MAGI1: variants seen among roughly 807,000 people sequenced by gnomAD.
MAGI1 encodes membrane associated guanylate kinase, WW and PDZ domain containing 1, also known as membrane-associated guanylate kinase, WW and PDZ domain-containing protein 1.
A neutral mutation model predicts 139.9 loss-of-function variants in MAGI1; 58 were observed. The observed-to-expected ratio is 0.41, with a 90% CI of 0.34 to 0.52. The LOEUF is 0.52. MAGI1 is among the 20% of genes least tolerant of loss of function. MAGI1 has a pLI of 0.12. For missense variants in MAGI1, 1,874 were observed against 1,901.6 expected (o/e 0.99, Z 0.27); for synonymous variants, 812 against 737.9 (o/e 1.10, Z -1.63).
At chr3:65,921,937 C>T (rs901976936) in intron 1 of MAGI1, among the ~76,000 whole-genome samples, 3 of 151,556 alleles carry the variant, frequency 2.0e-5, no homozygotes, top group Admixed American at 1.3e-4. Context: ...CACACACACA[C>T]ACACACACAC....
At chr3:65,724,470 C>T (rs1369319633) in intron 1 of MAGI1, among the ~76,000 whole-genome samples, 1 of 152,164 alleles carries the variant, frequency 6.6e-6, no homozygotes, top group Non-Finnish European at 1.5e-5. Flanking sequence ...ATACCTGGAT[C>T]AGATAAATCT....
intron 1 of MAGI1, among the ~76,000 whole-genome samples, chr3:66,027,265 CAAATAAATAAATAAAT>C (rs201338759): frequency 4.2e-4 from 29 of 69,830 alleles, no homozygotes; most frequent in South Asian, 2.5e-3. Flanking sequence ...GACTCCGTCT[CAAATAAATAAATAAAT>C]AAATAAATAA....
At chr3:65,947,414 AAAG>A (rs780233903) in intron 1 of MAGI1, among the ~76,000 whole-genome samples, 36 of 152,240 alleles carry the variant, frequency 2.4e-4, no homozygotes, top group Admixed American at 3.3e-4. Context: ...GGAGGAACAC[AAAG>A]AATAATACAA....
At chr3:65,634,976 T>C (rs2084525284) in intron 1 of MAGI1, among the ~76,000 whole-genome samples, 1 of 152,174 alleles carries the variant, frequency 6.6e-6, no homozygotes, top group African/African-American at 2.4e-5. Context: ...GGCATGGGTG[T>C]AGCAAGATGT....
intron 1 of MAGI1, among the ~76,000 whole-genome samples, chr3:65,850,580 T>C (rs1292822260): frequency 6.6e-6 from 1 of 152,122 alleles, no homozygotes; most frequent in African/African-American, 2.4e-5. Context: ...CGATATAAAC[T>C]CTGGATGAAC....
intron 1 of MAGI1, among the ~76,000 whole-genome samples, chr3:65,818,587 T>G (rs752689328): frequency 2.0e-5 from 3 of 152,124 alleles, no homozygotes; most frequent in Non-Finnish European, 2.9e-5. Context: ...AAGAAATGCC[T>G]TGTACAACAG....
intron 1 of MAGI1, chr3:65,687,484 T>TCAGGAC (rs2088156548): frequency 5.2e-6 from 2 of 381,440 alleles, no homozygotes; most frequent in Non-Finnish European, 1.1e-5. Context: ...TGAAGAGCAA[T>TCAGGAC]CAGGACCCAG....
chr3:65,463,519 G>T lies in MAGI1; in HGVS notation c.959+6764C>A, dbSNP rs534255841. Among the ~76,000 whole-genome samples, 16 of 150,658 alleles carry T rather than the reference G, an allele frequency of 1.1e-4. No individual in the cohort carries two copies. In the South Asian group the frequency reaches 3.4e-3, roughly 32 times the overall value. On this transcript the variant is annotated intron_variant, in intron 5 of 22. Transcript: ENST00000402939. Reference sequence around the variant, plus strand: ...TTCGGTTTGCCAGTATTTTATTAAGGATTTTCACATCGATGTTCATCAGGG... The same window carrying T: ...TTCGGTTTGCCAGTATTTTATTAAGTATTTTCACATCGATGTTCATCAGGG...
intron 1 of MAGI1, among the ~76,000 whole-genome samples, chr3:65,995,219 A>G (rs916080428): frequency 2.6e-5 from 4 of 152,202 alleles, no homozygotes; most frequent in Admixed American, 1.3e-4. Context: ...CAAGAAACAC[A>G]TTTCCATAAA....
chr3:65,812,445 T>TTCTC (rs530333757), intron 1 of MAGI1, among the ~76,000 whole-genome samples: 38 of 130,642 alleles, frequency 2.9e-4, no homozygotes, highest in South Asian at 9.0e-4. Context: ...CTCTCTCTCT[T>TTCTC]TCTCTCTCTC....
chr3:65,698,672 T>C (rs1434768396), intron 1 of MAGI1, among the ~76,000 whole-genome samples: 2 of 151,690 alleles, frequency 1.3e-5, no homozygotes, highest in African/African-American at 4.9e-5. Flanking sequence ...TGGCTAGCCA[T>C]ATGTAGAAAG....
intron 2 of MAGI1, among the ~76,000 whole-genome samples, chr3:65,559,095 G>T (rs1014557787): frequency 3.9e-5 from 6 of 152,126 alleles, no homozygotes; most frequent in Non-Finnish European, 5.9e-5. Flanking sequence ...GAAGACAAAA[G>T]AATTCTTCTT....
At chr3:65,470,556 C>A in intron 4 of MAGI1, 72 bp from the exon 5 acceptor site, 1 of 954,438 alleles carries the variant, frequency 1.0e-6, no homozygotes, top group South Asian at 1.5e-5. Context: ...CAATCATACC[C>A]CATACCCGGG....
chr3:65,453,482 A>G (rs913319600), intron 5 of MAGI1, 142 bp from the exon 6 acceptor site: 2 of 642,860 alleles, frequency 3.1e-6, no homozygotes, highest in Admixed American at 5.6e-5. Context: ...CCAAACCAGA[A>G]GAGAGCCTGA....
rs775865692 is a variant in MAGI1, at chr3:65,363,508, C to T, written c.3452G>A (p.Arg1151His). ...CTCCGCAGGACCGTCCTCTGCTAAG[C>T]GCAGAACATAGAGGTCCATGTTATA... ...REYNMDLYVL[R>H]LAEDGPAERC... Residue 1151 changes from arginine (R) to histidine (H), a missense_variant, in exon 21 of 23, where the codon CGC (arginine) becomes CAC (histidine). Transcript: ENST00000402939. 3.1e-6 allele frequency: 5 copies of T among 1,613,948 alleles called. No homozygotes were observed. The highest frequency in any genetic ancestry group is 2.2e-5 in the South Asian group (2 of 91,072).
At position 65,401,773 on chromosome 3, in the gene MAGI1, A is replaced by G. The variant is rs1944916752; in HGVS notation, c.2168-303T>C. ...GGCCTGGGAAATTGAACACTTGGACAGAATCTCAAATGCTCTTCTGGATTA... is the reference window on the plus strand; with the variant it reads ...GGCCTGGGAAATTGAACACTTGGACGGAATCTCAAATGCTCTTCTGGATTA... On this transcript the variant is annotated intron_variant, in intron 12 of 22. Coordinates refer to ENST00000402939, the MANE Select transcript of MAGI1 (RefSeq NM_001033057.2). 5 of 1,389,062 alleles carry G rather than the reference A, an allele frequency of 3.6e-6. No homozygotes were observed. In the South Asian group the frequency reaches 7.4e-5, roughly 21 times the overall value. The allele number at this position is 1,389,062 out of a possible 1,614,324, so 86.0% of individuals were successfully genotyped here.
intron 1 of MAGI1, among the ~76,000 whole-genome samples, chr3:65,979,094 C>T (rs1480182496): frequency 1.9e-5 from 1 of 53,054 alleles, no homozygotes; most frequent in Non-Finnish European, 4.5e-5. Context: ...TTCTTCCCCC[C>T]CCCCGCCACC....
chr3:65,364,607 T>C, intron 20 of MAGI1, 58 bp downstream of exon 20: 1 of 1,459,216 alleles, frequency 6.9e-7, no homozygotes, highest in Non-Finnish European at 9.5e-7. Context: ...TAAAAGTAGC[T>C]TGAGAAAGTT....
chr3:65,969,831 C>T (rs1234660456), intron 1 of MAGI1, among the ~76,000 whole-genome samples: 1 of 152,176 alleles, frequency 6.6e-6, no homozygotes, highest in Admixed American at 6.5e-5. Context: ...TTTTATTTGA[C>T]TTTCATTAAT....
Sources: gnomAD v4.1 joint callset for allele counts (sites outside exome capture counted in the v4.1 genomes callset) on GRCh38, gnomAD v4.1.1 for gene constraint, MANE v1.5 for transcripts, NCBI Gene and HGNC (gene_info 2026-07-23, HGNC 2026-07-21) for gene names.